The following PIK3C2A variants were observed in gnomAD, a reference collection of about 807,000 sequenced individuals.
PIK3C2A encodes phosphatidylinositol 4-phosphate 3-kinase C2 domain-containing subunit alpha.
Under a neutral mutation model 204.5 loss-of-function variants are expected in PIK3C2A, and 97 were observed. That is an observed-to-expected ratio of 0.47 (90% CI 0.40 to 0.56). PIK3C2A has a LOEUF of 0.56. PIK3C2A is among the 20% of genes least tolerant of loss of function. PIK3C2A has a pLI of 0.00. For synonymous variants in PIK3C2A, 653 were observed against 664.4 expected, an observed-to-expected ratio of 0.98 and a Z score of 0.26; for missense variants, 1,735 against 1,969.2, an observed-to-expected ratio of 0.88 and a Z score of 2.25.
intron 21 of PIK3C2A, 46 bp from the exon 22 acceptor site, chr11:17,110,607 CTT>C: frequency 6.4e-7 from 1 of 1,561,676 alleles, no homozygotes; most frequent in Admixed American, 1.8e-5. Flanking sequence ...CTCCAAAAGA[CTT>C]AACAGATTAC....
intron 18 of PIK3C2A, 64 bp from the exon 19 acceptor site, chr11:17,117,735 G>GGCTCCGTCTCAA: frequency 1.4e-6 from 1 of 697,922 alleles, no homozygotes; most frequent in Non-Finnish European, 2.1e-6. Flanking sequence ...TTTTTTTTGA[G>GGCTCCGTCTCAA]ACGGAGCCTC....
At chr11:17,187,057 G>T (rs573615711) in intron 1 of PIK3C2A, among the ~76,000 whole-genome samples, 1 of 152,228 alleles carries the variant, frequency 6.6e-6, no homozygotes, top group South Asian at 2.1e-4. Flanking sequence ...TCAAAAAAAA[G>T]AAATACTGGC....
At chr11:17,124,905 T>A (rs1172742025) in intron 13 of PIK3C2A, among the ~76,000 whole-genome samples, 3 of 152,214 alleles carry the variant, frequency 2.0e-5, no homozygotes, top group Non-Finnish European at 4.4e-5. Flanking sequence ...TCACATGTCC[T>A]CCTGTATTTT....
intron 8 of PIK3C2A, among the ~76,000 whole-genome samples, chr11:17,142,263 A>T (rs1276701876): frequency 6.6e-6 from 1 of 152,230 alleles, no homozygotes; most frequent in Non-Finnish European, 1.5e-5. Flanking sequence ...TTAGACATAT[A>T]AATTTCAGAG....
intron 8 of PIK3C2A, among the ~76,000 whole-genome samples, chr11:17,142,845 T>C (rs1257372630): frequency 6.6e-6 from 1 of 152,026 alleles, no homozygotes; most frequent in African/African-American, 2.4e-5. Flanking sequence ...GGAGTGGGCA[T>C]ATAAGAGAAT....
At chr11:17,128,968 G>A (rs1849607243) in intron 13 of PIK3C2A, among the ~76,000 whole-genome samples, 1 of 152,170 alleles carries the variant, frequency 6.6e-6, no homozygotes, top group African/African-American at 2.4e-5. Flanking sequence ...AAGTTCTTTG[G>A]TTAACATCAA....
rs148491900 is a variant in PIK3C2A at position 17,179,518 on chromosome 11, C to T, written c.-65-9712G>A. ...TTATAACTTTTTAATTTTTAAAGTA[C>T]ATACTTTCTAATTACCTTAATATTC... On this transcript the variant is annotated intron_variant, in intron 1 of 32. Coordinates refer to ENST00000691414, the MANE Select transcript of PIK3C2A (RefSeq NM_002645.4). Among the ~76,000 whole-genome samples, 37 of 152,126 alleles carry T rather than the reference C, an allele frequency of 2.4e-4. 1 individual carries two copies. The highest frequency in any genetic ancestry group is 7.9e-4 in the African/African-American group (33 of 41,524).
chr11:17,147,684 G>T, intron 5 of PIK3C2A, 56 bp from the exon 6 acceptor site: 1 of 954,230 alleles, frequency 1.0e-6, no homozygotes, highest in South Asian at 1.5e-5. Context: ...TTATAAAGGT[G>T]AGGGTAAAAT....
At chr11:17,201,584 C>T (rs1026302009) in intron 1 of PIK3C2A, among the ~76,000 whole-genome samples, 2 of 149,632 alleles carry the variant, frequency 1.3e-5, no homozygotes, top group Non-Finnish European at 3.0e-5. Context: ...CCTAAACCTA[C>T]GTTTTATGTT....
intron 1 of PIK3C2A, among the ~76,000 whole-genome samples, chr11:17,174,815 T>A (rs1046530233): frequency 6.6e-6 from 1 of 151,648 alleles, no homozygotes; most frequent in Admixed American, 6.6e-5. Context: ...GGCAGAAGAA[T>A]CCCTTGAACC....
chr11:17,135,061 C>A, intron 10 of PIK3C2A, 32 bp from the exon 11 acceptor site: 1 of 1,611,778 alleles, frequency 6.2e-7, no homozygotes, highest in East Asian at 2.2e-5. Flanking sequence ...TTAATAGATT[C>A]TCTGAAAAGG....
At chr11:17,165,861 A>T (rs1157862951) in intron 2 of PIK3C2A, among the ~76,000 whole-genome samples, 1 of 151,744 alleles carries the variant, frequency 6.6e-6, no homozygotes, top group East Asian at 1.9e-4. Flanking sequence ...TGCTGCTTGC[A>T]AAGAGTTCTG....
At chr11:17,155,436 T>G (rs1850554492) in intron 3 of PIK3C2A, 90 bp downstream of exon 3, 2 of 637,630 alleles carry the variant, frequency 3.1e-6, no homozygotes, top group African/African-American at 1.8e-5. Flanking sequence ...AAGAAAATAA[T>G]TAAAATTTTT....
At chr11:17,132,520 G>A (rs938882445) in intron 11 of PIK3C2A, among the ~76,000 whole-genome samples, 1 of 150,568 alleles carries the variant, frequency 6.6e-6, no homozygotes, top group Non-Finnish European at 1.5e-5. Context: ...TAGTAGAGAC[G>A]GGGTTTCACC....
chr11:17,094,228 A>G, intron 28 of PIK3C2A, 33 bp downstream of exon 28: 1 of 1,534,420 alleles, frequency 6.5e-7, no homozygotes, highest in Non-Finnish European at 8.9e-7. Flanking sequence ...TGTTTCCTAC[A>G]AAAAGGATTA....
At chr11:17,131,296 A>G (rs1316835424) in intron 12 of PIK3C2A, among the ~76,000 whole-genome samples, 1 of 152,112 alleles carries the variant, frequency 6.6e-6, no homozygotes, top group Non-Finnish European at 1.5e-5. Flanking sequence ...GCTATAAAAT[A>G]CCGTCTTTCT....
At chr11:17,151,165 A>T (rs546830222) in intron 3 of PIK3C2A, among the ~76,000 whole-genome samples, 2 of 152,194 alleles carry the variant, frequency 1.3e-5, no homozygotes, top group Non-Finnish European at 2.9e-5. Flanking sequence ...TTACAGTGCT[A>T]CAAGGCCTTT....
intron 27 of PIK3C2A, among the ~76,000 whole-genome samples, chr11:17,095,124 C>T (rs571178427): frequency 1.3e-5 from 2 of 152,248 alleles, no homozygotes; most frequent in Non-Finnish European, 2.9e-5. Flanking sequence ...TGGCACATGC[C>T]TGTAGCCCCA....
intron 24 of PIK3C2A, among the ~76,000 whole-genome samples, chr11:17,101,779 A>AT (rs1245538368): frequency 5.9e-5 from 9 of 151,278 alleles, no homozygotes; most frequent in Non-Finnish European, 1.0e-4. Context: ...AATTTTTTGT[A>AT]TTTTTAGTAG....
Sources: gnomAD v4.1 joint callset for allele counts (sites outside exome capture counted in the v4.1 genomes callset) on GRCh38, gnomAD v4.1.1 for gene constraint, MANE v1.5 for transcripts, NCBI Gene and HGNC (gene_info 2026-07-23, HGNC 2026-07-21) for gene names.